Variants in TNS1 observed in about 807,000 individuals in gnomAD.
TNS1 encodes tensin 1.
Under a neutral mutation model 168.6 loss-of-function variants are expected in TNS1, and 62 were observed. That is an observed-to-expected ratio of 0.37 (90% CI 0.30 to 0.45). The LOEUF (loss-of-function observed/expected upper bound fraction) is 0.45, where lower values mean the gene tolerates loss of function less well. TNS1 is among the 20% of genes least tolerant of loss of function. The pLI, the probability that TNS1 is intolerant of heterozygous loss-of-function variation, is 1.00. For missense variants in TNS1, 2,240 were observed against 2,339.4 expected (o/e 0.96, Z 0.88); for synonymous variants, 934 against 933.2 (o/e 1.00, Z -0.02).
chr2:217,891,968 G>C (rs749921841), intron 11 of TNS1, among the ~76,000 whole-genome samples: 2 of 152,154 alleles, frequency 1.3e-5, no homozygotes, highest in Admixed American at 6.5e-5. Flanking sequence ...ACTCTTTCAC[G>C]ATAATTATCA....
At chr2:217,905,480 G>C in intron 6 of TNS1, 1 of 343,490 alleles carries the variant, frequency 2.9e-6, no homozygotes, top group Non-Finnish European at 5.9e-6. Flanking sequence ...TGCCCCTCCT[G>C]CTCCCGCAGC....
chr2:217,999,999 C>T (rs1958533910), intron 1 of TNS1, among the ~76,000 whole-genome samples: 1 of 152,218 alleles, frequency 6.6e-6, no homozygotes, highest in Admixed American at 6.5e-5. Context: ...TCCTGAGGAC[C>T]AGTGAGTCCC....
chr2:217,815,024 G>C lies in TNS1; in HGVS notation c.4643-26C>G, dbSNP rs529695350. 2.2e-5 allele frequency: 35 copies of C among 1,586,364 alleles called. 1 individual carries two copies. In the South Asian group the frequency reaches 3.9e-4, roughly 17 times the overall value. ...CTAAAGCAGGAGAAGGGAAGAAAGT[G>C]TTATGGGTTAAATTGTGTTCACCCA... On this transcript the variant is annotated intron_variant, in intron 24 of 32. Transcript: ENST00000682258.
Position 217,848,490 on chromosome 2 carries a change from T to C in TNS1, c.2027A>G (p.Glu676Gly). The change falls in exon 19 of 33, where the codon GAG becomes GGG. Residue 676 changes from glutamate (E) to glycine (G), a missense_variant. Around this residue, in one of 2 missense-constraint regions of TNS1, gnomAD observed 2,131 missense variants for 2,171.2 expected, o/e 0.98. Transcript: ENST00000682258. ...GTAGCCTCCTCCATTGACCATAGGC[T>C]CCATGGGGTAGGACTTGTCCAGACC... Reference protein sequence around the residue: ...TNGLDKSYPMEPMVNGGGYPY... With the variant: ...TNGLDKSYPMGPMVNGGGYPY... 1 of 1,613,238 alleles carries C rather than the reference T, an allele frequency of 6.2e-7. No homozygotes were observed. Among genetic ancestry groups the C allele is most frequent in the Non-Finnish European group, 8.5e-7 (1 of 1,179,384 alleles).
At chr2:217,953,190 C>T (rs1957282881) in intron 3 of TNS1, among the ~76,000 whole-genome samples, 1 of 152,148 alleles carries the variant, frequency 6.6e-6, no homozygotes, top group South Asian at 2.1e-4. Flanking sequence ...ATGAAGGATG[C>T]TTGGGCTCCA....
chr2:217,878,397 G>A (rs115925838), intron 18 of TNS1, among the ~76,000 whole-genome samples: 9,437 of 152,200 alleles, frequency 0.062, 976 homozygotes, highest in African/African-American at 0.21. Flanking sequence ...GGGGCAACGC[G>A]GTGGCTTGAA....
chr2:217,836,543 G>C (rs1009230901), intron 19 of TNS1, among the ~76,000 whole-genome samples: 2 of 152,190 alleles, frequency 1.3e-5, no homozygotes, highest in African/African-American at 4.8e-5. Context: ...AGAGCTTCCA[G>C]ACAAGGGAGG....
chr2:217,872,573 G>A (rs1042820666), intron 18 of TNS1, among the ~76,000 whole-genome samples: 6 of 152,206 alleles, frequency 3.9e-5, no homozygotes, highest in East Asian at 1.9e-4. Flanking sequence ...GTGAGGATGC[G>A]GAGGAAGTCT....
intron 1 of TNS1, among the ~76,000 whole-genome samples, chr2:218,022,785 G>T (rs147344511): frequency 0.011 from 1,618 of 151,736 alleles, 29 homozygotes; most frequent in African/African-American, 0.037. Flanking sequence ...AGGCAAGGGT[G>T]GGGGGTTAGG....
intron 3 of TNS1, among the ~76,000 whole-genome samples, chr2:217,973,481 T>C (rs1957821187): frequency 1.4e-5 from 2 of 147,704 alleles, no homozygotes; most frequent in Admixed American, 1.3e-4. Flanking sequence ...GGGGTAAGGG[T>C]GGGAATTAAG....
chr2:217,855,133 A>T (rs1449786135), intron 18 of TNS1, among the ~76,000 whole-genome samples: 1 of 152,120 alleles, frequency 6.6e-6, no homozygotes. Context: ...CCACAGGGTA[A>T]AGCCCAACCC....
At chr2:217,890,751 T>C in intron 12 of TNS1, 1 of 601,554 alleles carries the variant, frequency 1.7e-6, no homozygotes, top group Non-Finnish European at 3.0e-6. Flanking sequence ...AGTCAAGTGC[T>C]GTGCCAATCT....
chr2:217,887,061 C>T (rs910019196), intron 12 of TNS1, among the ~76,000 whole-genome samples: 4 of 152,232 alleles, frequency 2.6e-5, no homozygotes, highest in African/African-American at 9.6e-5. Context: ...CCTCACACCC[C>T]CACACAAAGC....
intron 1 of TNS1, among the ~76,000 whole-genome samples, chr2:218,018,225 C>T (rs1427673): frequency 0.73 from 111,429 of 152,116 alleles, 41,303 homozygotes; most frequent in East Asian, 0.88. Context: ...AGTCAGACAT[C>T]AGGCAGAACT....
chr2:217,864,265 G>T, intron 18 of TNS1, among the ~76,000 whole-genome samples: 1 of 152,232 alleles, frequency 6.6e-6, no homozygotes, highest in Non-Finnish European at 1.5e-5. Flanking sequence ...TGGGGAGAGG[G>T]TATATGGGGC....
Position 218,032,031 on chromosome 2 carries a change from C to T in TNS1, c.156+1789G>A, listed in dbSNP as rs1958903501. Among the ~76,000 whole-genome samples, 1 of 152,262 alleles carries T rather than the reference C, an allele frequency of 6.6e-6. No individual in the cohort carries two copies. Among genetic ancestry groups the T allele is most frequent in the African/African-American group, 2.4e-5 (1 of 41,474 alleles). ...GATGCCCGCCAGGCCCCTTGGCACC[C>T]AGAAGGCTTGGCTGGAGGACTCAGG... On this transcript the variant is annotated intron_variant, in intron 1 of 1. Transcript: ENST00000649572. The surrounding 1 kb of genome is among the most constrained non-coding windows in gnomAD (Gnocchi z 4.0).
intron 3 of TNS1, among the ~76,000 whole-genome samples, chr2:217,930,309 G>T (rs192868689): frequency 6.6e-6 from 1 of 152,346 alleles, no homozygotes; most frequent in African/African-American, 2.4e-5. Context: ...CCTCAGCTCT[G>T]CCCAGGACCA....
Position 217,818,612 on chromosome 2 carries a change from A to T in TNS1, c.3720T>A (p.Pro1240=), listed in dbSNP as rs1379102418. 3 of 1,614,166 alleles carry T rather than the reference A, an allele frequency of 1.9e-6. No individual in the cohort carries two copies. Among genetic ancestry groups the T allele is most frequent in the East Asian group, 2.2e-5 (1 of 44,866 alleles). ...SAQRNYQSSS[P]LPTVGSSYSS... is the part of the protein sequence containing the mutation. Reference sequence around the variant, plus strand: ...TGTAGCTACTGCCCACAGTCGGGAGAGGAGAAGAGCTCTGGTAGTTTCTCT... The same window carrying T: ...TGTAGCTACTGCCCACAGTCGGGAGTGGAGAAGAGCTCTGGTAGTTTCTCT... Residue 1240 remains proline, a synonymous_variant, in exon 24 of 33, where the codon CCT becomes CCA. Transcript: ENST00000682258.
intron 4 of TNS1, 130 bp from the exon 5 acceptor site, chr2:217,907,381 C>G (rs1953838514): frequency 1.5e-6 from 1 of 653,182 alleles, no homozygotes; most frequent in Non-Finnish European, 2.8e-6. Flanking sequence ...CAACCCAAGA[C>G]TCAGGCATAA....
Sources: allele counts gnomAD v4.1 joint callset (sites outside exome capture counted in the v4.1 genomes callset), GRCh38; gene constraint gnomAD v4.1.1; regional missense constraint gnomAD v4.1.1; non-coding constraint Gnocchi (gnomAD v3.1); transcripts MANE v1.5; gene names NCBI Gene and HGNC (gene_info 2026-07-23, HGNC 2026-07-21).